Variants in ZNF544 observed in about 807,000 individuals in gnomAD.
ZNF544 encodes zinc finger protein 544.
ZNF544 carries 10 observed loss-of-function variants against 13.5 expected under a neutral mutation model. That is an observed-to-expected ratio of 0.74 (90% confidence interval 0.46 to 1.25). The LOEUF is 1.25. Among genes scored for constraint, ZNF544 ranks in the 50% most tolerant of loss-of-function variants. The pLI is 0.00. For missense variants in ZNF544, 896 were observed against 845.6 expected (o/e 1.06, Z -0.74); for synonymous variants, 323 against 300.5 (o/e 1.07, Z -0.77).
intron 5 of ZNF544, among the ~76,000 whole-genome samples, chr19:58,275,349 G>T (rs2051133540): frequency 6.6e-6 from 1 of 151,874 alleles, no homozygotes; most frequent in South Asian, 2.1e-4. Flanking sequence ...GAGCCCTCTG[G>T]CAACAAAAGA....
intron 6 of ZNF544, chr19:58,259,146 G>C (rs1381221866): frequency 6.6e-6 from 1 of 152,270 alleles, no homozygotes; most frequent in Non-Finnish European, 1.5e-5. Flanking sequence ...CCTGTCTGAA[G>C]TGGCAAACGG....
At chr19:58,230,010 C>T (rs1298000199) in intron 2 of ZNF544, 2 of 152,508 alleles carry the variant, frequency 1.3e-5, no homozygotes, top group African/African-American at 4.8e-5. Context: ...TGGTCAGTCT[C>T]TGCATGGGAG....
intron 4 of ZNF544, 52 bp downstream of exon 4, chr19:58,244,108 G>A: frequency 6.5e-7 from 1 of 1,536,782 alleles, no homozygotes; most frequent in South Asian, 1.2e-5. Flanking sequence ...GATGTAAAAT[G>A]GGTCCAGGAA....
Position 58,262,752 on chromosome 19 carries a change from T to G in ZNF544, c.2146T>G (p.Ter716GluextTer34), listed in dbSNP as rs150147985. Residue 716 changes from the stop codon to glutamate (E), a stop_lost, in exon 7 of 7, where the codon TAG (stop) becomes GAG (glutamate). Coordinates refer to ENST00000687789, the MANE Select transcript of ZNF544 (RefSeq NM_014480.4). ...HRRTHTGEKP[*>E] ...GCGGACACATACTGGAGAGAAACCTTAGGAGTGCAGTCATTGTGGGAAAGC... is the reference window on the plus strand; with the variant it reads ...GCGGACACATACTGGAGAGAAACCTGAGGAGTGCAGTCATTGTGGGAAAGC... The G allele has an allele frequency of 6.3e-7, 1 of 1,589,998 alleles. No homozygotes were observed. Among genetic ancestry groups the G allele is most frequent in the Non-Finnish European group, 8.6e-7 (1 of 1,165,996 alleles).
At chr19:58,266,647 C>T (rs2049952726), downstream of ZNF544, 3 of 151,818 alleles carry the variant, frequency 2.0e-5, no homozygotes, top group Middle Eastern at 0.01. Context: ...GAGCCATAGA[C>T]TGATAGACCA....
At position 58,230,402 on chromosome 19, in the gene ZNF544, G is replaced by A. The variant is rs908597615; in HGVS notation, c.-120G>A. 6.6e-6 allele frequency: 1 copy of A among 152,352 alleles called. No individual in the cohort carries two copies. The highest frequency in any genetic ancestry group is 2.4e-5 in the African/African-American group (1 of 41,552). The allele number at this position is 152,352 out of a possible 1,614,324, so 9.4% of individuals were successfully genotyped here. ...TCTTGCTGTTTTTCCAGATGTCTAC[G>A]GATGAGGAAACTGAGGCCTGGAGAG... On this transcript the variant is annotated 5_prime_UTR_variant, in exon 3 of 7. Transcript: ENST00000687789.
intron 6 of ZNF544, chr19:58,257,809 T>C (rs1373930855): frequency 6.6e-6 from 1 of 152,270 alleles, no homozygotes; most frequent in Non-Finnish European, 1.5e-5. Flanking sequence ...ACGTAGCCTT[T>C]TCCGACTGGC....
At position 58,262,185 on chromosome 19, in the gene ZNF544, A is replaced by T. The variant is rs746353038; in HGVS notation, c.1579A>T (p.Lys527Ter). ...EKPYECNLCG[K>*]SFSQSSKLIT... is the part of the protein sequence containing the mutation. ...GCCCTATGAGTGCAACCTGTGTGGG[A>T]AATCCTTCTCCCAGAGTTCCAAACT... The change falls in exon 7 of 7, where the codon AAA becomes TAA. Residue 527 changes from lysine to a stop codon, truncating the protein, a stop_gained. Transcript: ENST00000687789. LOFTEE classifies it low-confidence loss of function (END_TRUNC). The T allele has an allele frequency of 1.9e-6, 3 of 1,613,960 alleles. No homozygotes were observed. The highest frequency in any genetic ancestry group is 2.5e-6 in the Non-Finnish European group (3 of 1,179,972).
At chr19:58,269,829 GA>G (rs2050408921) in intron 5 of ZNF544, among the ~76,000 whole-genome samples, 1 of 152,036 alleles carries the variant, frequency 6.6e-6, no homozygotes, top group Admixed American at 6.6e-5. Context: ...GCTGACGCAG[GA>G]GTATCACTTG....
intron 6 of ZNF544, chr19:58,247,340 C>T (rs1269985099): frequency 6.5e-6 from 1 of 152,868 alleles, no homozygotes; most frequent in Non-Finnish European, 1.5e-5. Flanking sequence ...CGGCTCACCA[C>T]AACCTCCACC....
At chr19:58,236,802 C>T (rs535060506) in intron 3 of ZNF544, among the ~76,000 whole-genome samples, 28 of 146,744 alleles carry the variant, frequency 1.9e-4, no homozygotes, top group Middle Eastern at 3.7e-3. Context: ...AGTGCAGTGG[C>T]GGGATCTCAG....
At chr19:58,251,281 C>G in intron 6 of ZNF544, 1 of 518,750 alleles carries the variant, frequency 1.9e-6, no homozygotes, top group Non-Finnish European at 3.9e-6. Flanking sequence ...TAGGCTTTTA[C>G]TTATCTTTTG....
At chr19:58,229,249 CCTCGCAGGTA>C (rs2040611886) in intron 1 of ZNF544, 1 of 132,622 alleles carries the variant, frequency 7.5e-6, no homozygotes, top group East Asian at 2.4e-4. Context: ...ACTTATAGTA[CCTCGCAGGTA>C]CGGGCAGGGG....
chr19:58,246,215 G>A (rs1015679937), intron 4 of ZNF544, 86 bp from the exon 5 acceptor site: 3 of 1,579,600 alleles, frequency 1.9e-6, no homozygotes, highest in Non-Finnish European at 2.6e-6. Context: ...TTTACGGGGG[G>A]ACACCAACAT....
chr19:58,262,987 CA>C lies in ZNF544; in HGVS notation c.*236del, dbSNP rs2049314675. The C allele has an allele frequency of 6.7e-6, 9 of 1,333,512 alleles. No homozygotes were observed. The Admixed American group carries it at 1.0e-4, about 15-fold the overall frequency. 82.6% of individuals were successfully genotyped at this position (1,333,512 alleles called of 1,614,324 possible). A position where few individuals can be genotyped will look rare whatever the true frequency, so the allele number is the denominator to read the frequency against. ...AACACGAGAGGACACACACTGGAGG[CA>C]AACCCTATGAATGTGACCATTGCGA... On this transcript the variant is annotated 3_prime_UTR_variant, in exon 7 of 7. Coordinates refer to ENST00000687789, the MANE Select transcript of ZNF544 (RefSeq NM_014480.4).
chr19:58,270,642 C>A (rs926544108), intron 5 of ZNF544, among the ~76,000 whole-genome samples: 1 of 152,068 alleles, frequency 6.6e-6, no homozygotes, highest in East Asian at 1.9e-4. Context: ...ATGGCTGTGA[C>A]CTGACAACTT....
At chr19:58,277,101 T>A (rs2051278757) in intron 6 of ZNF544, 2 of 1,050,500 alleles carry the variant, frequency 1.9e-6, no homozygotes, top group African/African-American at 3.3e-5. Flanking sequence ...TCTGGTCTCA[T>A]GAGGCCTAGA....
rs1342360285 is a variant in ZNF544 at position 58,261,331 on chromosome 19, A to G, written c.725A>G (p.Tyr242Cys). The G allele has an allele frequency of 6.8e-6, 11 of 1,614,036 alleles. No homozygotes were observed. Among genetic ancestry groups the G allele is most frequent in the Admixed American group, 3.3e-5 (2 of 60,002 alleles). Reference protein sequence around the residue: ...GNVETGKKNPYEYIVSGDSLN... With the variant: ...GNVETGKKNPCEYIVSGDSLN... ...GTTGAAACAGGAAAGAAAAACCCTT[A>G]TGAATATATTGTCAGTGGTGACTCT... is the stretch of plus-strand genomic sequence containing the variant. Residue 242 changes from tyrosine (Y) to cysteine (C), a missense_variant, in exon 7 of 7, where the codon TAT (tyrosine) becomes TGT (cysteine). Tyr to Cys is a radical substitution (Grantham distance 194). Transcript: ENST00000687789.
At chr19:58,264,469 A>G (rs183065679), downstream of ZNF544, among the ~76,000 whole-genome samples, 2 of 148,124 alleles carry the variant, frequency 1.4e-5, no homozygotes, top group African/African-American at 5.0e-5. Context: ...AGGTGGGTGG[A>G]TCACTTGAGG....
Sources: allele counts gnomAD v4.1 joint callset (sites outside exome capture counted in the v4.1 genomes callset), GRCh38; gene constraint gnomAD v4.1.1; transcripts MANE v1.5; gene names NCBI Gene and HGNC (gene_info 2026-07-23, HGNC 2026-07-21).